Variants in MARCHF1 observed in about 807,000 individuals in gnomAD.
MARCHF1 encodes the protein E3 ubiquitin-protein ligase MARCHF1.
MARCHF1 carries 40 observed loss-of-function variants against 54.2 expected under a neutral mutation model. That is an observed-to-expected ratio of 0.74 (90% CI 0.57 to 0.96). The LOEUF is 0.96. MARCHF1 is among the 40% of genes least tolerant of loss of function. The pLI is 0.00. For missense variants in MARCHF1, 586 were observed against 656.5 expected, an observed-to-expected ratio of 0.89 and a Z score of 1.17; for synonymous variants, 236 against 236.3, an observed-to-expected ratio of 1.00 and a Z score of 0.01.
rs752293935 is a variant in MARCHF1, at chr4:164,013,226, T to A, written c.-247-24517A>T. Among the ~76,000 whole-genome samples, 35 of 152,272 alleles carry A rather than the reference T, an allele frequency of 2.3e-4. No individual in the cohort carries two copies. The Middle Eastern group carries it at 0.01, about 44-fold the overall frequency. On this transcript the variant is annotated intron_variant, in intron 2 of 9. Coordinates refer to ENST00000514618, the MANE Select transcript of MARCHF1 (RefSeq NM_001394959.1). Reference sequence around the variant, plus strand: ...AATCATTAAAAAACTCAAGCAGGCATTCTGGAGCTTAGAAATACAATTGAG... The same window carrying A: ...AATCATTAAAAAACTCAAGCAGGCAATCTGGAGCTTAGAAATACAATTGAG...
In MARCHF1 at chr4:164,142,753, A is replaced by C. The variant is rs193148862; in HGVS notation, c.-322-31091T>G. Among the ~76,000 whole-genome samples, 98 of 152,354 alleles carry C rather than the reference A, an allele frequency of 6.4e-4. 2 individuals carry two copies. In the East Asian group the frequency reaches 0.018, roughly 28 times the overall value. ...ACAGCAGAAAAACTGGAAACTCTAA[A>C]AAGGAGAGCAACTCTCCTCCTCCAA... On this transcript the variant is annotated intron_variant, in intron 1 of 9. Transcript: ENST00000514618.
intron 4 of MARCHF1, among the ~76,000 whole-genome samples, chr4:163,748,943 G>C (rs2110769578): frequency 6.6e-6 from 1 of 152,308 alleles, no homozygotes; most frequent in Non-Finnish European, 1.5e-5. Flanking sequence ...AATGCTTCAG[G>C]CTTGAAGCCA....
chr4:163,891,274 A>T (rs1750655143), intron 3 of MARCHF1, among the ~76,000 whole-genome samples: 1 of 152,178 alleles, frequency 6.6e-6, no homozygotes, highest in African/African-American at 2.4e-5. Context: ...CCATGGAGAT[A>T]AATAACTTCA....
At chr4:163,757,887 C>T (rs558835632) in intron 4 of MARCHF1, among the ~76,000 whole-genome samples, 24 of 152,244 alleles carry the variant, frequency 1.6e-4, no homozygotes, top group Admixed American at 5.9e-4. Flanking sequence ...CATTCGTTCA[C>T]AGGGAGCTTG....
intron 2 of MARCHF1, among the ~76,000 whole-genome samples, chr4:164,066,340 A>G (rs548157859): frequency 6.6e-6 from 1 of 152,338 alleles, no homozygotes; most frequent in Admixed American, 6.5e-5. Context: ...CACTAGTCAG[A>G]GTGGTTACTA....
intron 1 of MARCHF1, among the ~76,000 whole-genome samples, chr4:164,194,265 T>C (rs1253267925): frequency 6.6e-6 from 1 of 152,164 alleles, no homozygotes; most frequent in Non-Finnish European, 1.5e-5. Flanking sequence ...TTTCTGCCTA[T>C]AGCGCCAACA....
At chr4:163,694,166 C>T (rs1744547633) in intron 5 of MARCHF1, among the ~76,000 whole-genome samples, 4 of 152,182 alleles carry the variant, frequency 2.6e-5, no homozygotes, top group African/African-American at 7.2e-5. Flanking sequence ...AAATCCATGA[C>T]AGGATGAAAT....
chr4:163,852,443 C>A (rs565169588), intron 4 of MARCHF1, among the ~76,000 whole-genome samples: 23 of 152,240 alleles, frequency 1.5e-4, no homozygotes, highest in Middle Eastern at 3.4e-3. Context: ...TGATACCTGA[C>A]AAAGTGCAGC....
intron 4 of MARCHF1, among the ~76,000 whole-genome samples, chr4:163,849,572 A>G (rs555590993): frequency 1.3e-5 from 2 of 152,310 alleles, no homozygotes; most frequent in African/African-American, 4.8e-5. Flanking sequence ...AGAAGATTGT[A>G]TGTTTCATCA....
intron 2 of MARCHF1, among the ~76,000 whole-genome samples, chr4:164,095,823 GTA>G (rs1186637537): frequency 6.6e-6 from 1 of 151,960 alleles, no homozygotes; most frequent in Admixed American, 6.6e-5. Flanking sequence ...AAAATAATCA[GTA>G]TCACTAATCA....
chr4:164,271,791 A>G (rs1003734720), intron 1 of MARCHF1, among the ~76,000 whole-genome samples: 2 of 152,164 alleles, frequency 1.3e-5, no homozygotes, highest in Non-Finnish European at 2.9e-5. Context: ...AACAAACATT[A>G]AGGAAGAAAA....
chr4:163,682,521 C>T (rs756763417), intron 5 of MARCHF1, among the ~76,000 whole-genome samples: 11 of 152,188 alleles, frequency 7.2e-5, no homozygotes, highest in African/African-American at 9.7e-5. Context: ...TGTGCAGCCT[C>T]GAGACGTGGT....
intron 1 of MARCHF1, among the ~76,000 whole-genome samples, chr4:164,376,580 T>A (rs1490431274): frequency 1.3e-5 from 2 of 152,112 alleles, no homozygotes; most frequent in Admixed American, 1.3e-4. Flanking sequence ...GTCACTTCCA[T>A]GGCCGGTTGA....
rs911967584 is a variant in MARCHF1, at chr4:163,528,780, C to T, written c.1606G>A (p.Glu536Lys). ...GATACAACTTCAGGGGGGCCACCCT[C>T]TGCAGATGGCAGTGAATTTGCACCT... is the stretch of plus-strand genomic sequence containing the variant. ...QTGANSLPSA[E>K]GGPPEVVSV Residue 536 changes from glutamate (E) to lysine (K), a missense_variant, in exon 10 of 10, where the codon GAG (glutamate) becomes AAG (lysine). Physicochemically the swap from Glu to Lys is moderately conservative, Grantham distance 56. Coordinates refer to ENST00000514618, the MANE Select transcript of MARCHF1 (RefSeq NM_001394959.1). 2.5e-6 allele frequency: 4 copies of T among 1,612,764 alleles called. No homozygotes were observed. Among genetic ancestry groups the T allele is most frequent in the Non-Finnish European group, 3.4e-6 (4 of 1,179,222 alleles).
intron 3 of MARCHF1, among the ~76,000 whole-genome samples, chr4:163,977,847 T>A (rs1752679869): frequency 6.6e-6 from 1 of 152,198 alleles, no homozygotes; most frequent in Non-Finnish European, 1.5e-5. Flanking sequence ...AACTTTTTCA[T>A]TCATTATTAT....
intron 5 of MARCHF1, among the ~76,000 whole-genome samples, chr4:163,698,233 C>G (rs903240396): frequency 6.6e-6 from 1 of 152,134 alleles, no homozygotes; most frequent in Non-Finnish European, 1.5e-5. Flanking sequence ...AGGAAAAAAT[C>G]TTGGTTCCAA....
At chr4:164,058,258 C>T (rs1754538281) in intron 2 of MARCHF1, among the ~76,000 whole-genome samples, 1 of 152,126 alleles carries the variant, frequency 6.6e-6, no homozygotes. Context: ...TAACCCAGAA[C>T]TTAAAGTATA....
At chr4:163,692,818 TG>T (rs1744506660) in intron 5 of MARCHF1, among the ~76,000 whole-genome samples, 1 of 151,354 alleles carries the variant, frequency 6.6e-6, no homozygotes, top group Admixed American at 6.6e-5. Context: ...CAGTAGATCA[TG>T]GCAAATGCAA....
At chr4:163,903,688 G>A (rs1225947637) in intron 3 of MARCHF1, among the ~76,000 whole-genome samples, 1 of 151,686 alleles carries the variant, frequency 6.6e-6, no homozygotes, top group African/African-American at 2.4e-5. Context: ...TTGGTTCACT[G>A]CAACGTCTGC....
Sources: allele counts gnomAD v4.1 joint callset (sites outside exome capture counted in the v4.1 genomes callset), GRCh38; gene constraint gnomAD v4.1.1; transcripts MANE v1.5; gene names NCBI Gene and HGNC (gene_info 2026-07-23, HGNC 2026-07-21).